FCHO1: variants seen among roughly 807,000 people sequenced by gnomAD.
FCHO1 encodes FCH and mu domain containing endocytic adaptor 1.
Under a neutral mutation model 114.4 loss-of-function variants are expected in FCHO1, and 45 were observed. The ratio of observed to expected loss-of-function variants is 0.39; its 90% CI spans 0.31 to 0.50. The LOEUF (loss-of-function observed/expected upper bound fraction) is 0.50, where lower values mean the gene tolerates loss of function less well. Among genes scored for constraint, FCHO1 ranks in the 20% least tolerant of loss-of-function variants. The pLI, the probability that FCHO1 is intolerant of heterozygous loss-of-function variation, is 0.77. For missense variants in FCHO1, 1,042 were observed against 1,209.6 expected, an observed-to-expected ratio of 0.86 and a Z score of 2.06; for synonymous variants, 480 against 488.9, an observed-to-expected ratio of 0.98 and a Z score of 0.24.
At chr19:17,765,732 T>A (rs895414428) in intron 6 of FCHO1, among the ~76,000 whole-genome samples, 2 of 151,866 alleles carry the variant, frequency 1.3e-5, no homozygotes, top group African/African-American at 4.8e-5. Flanking sequence ...CATTTGCAGT[T>A]TTCTTTGTGG....
At chr19:17,750,832 T>C (rs1027486657), upstream of FCHO1, among the ~76,000 whole-genome samples, 6 of 148,686 alleles carry the variant, frequency 4.0e-5, no homozygotes, top group African/African-American at 7.4e-5. Flanking sequence ...CTTTTCTTTT[T>C]TTTTTTTTTT....
At chr19:17,762,669 G>A (rs781212804) in intron 4 of FCHO1, 93 bp from the exon 5 acceptor site, 2 of 895,248 alleles carry the variant, frequency 2.2e-6, no homozygotes, top group Non-Finnish European at 3.8e-6. Flanking sequence ...ACAGCCAAGG[G>A]GATGGACTTC....
intron 1 of FCHO1, chr19:17,753,671 C>A (rs557734478): frequency 6.6e-6 from 1 of 152,252 alleles, no homozygotes; most frequent in African/African-American, 2.4e-5. Context: ...AACTAACTAA[C>A]TTTCTTTCTT....
chr19:17,780,350 GA>G (rs1436417655), intron 20 of FCHO1, among the ~76,000 whole-genome samples: 1 of 152,056 alleles, frequency 6.6e-6, no homozygotes, highest in Non-Finnish European at 1.5e-5. Flanking sequence ...TTTTAGTAGA[GA>G]TGGGGTTTCA....
intron 5 of FCHO1, among the ~76,000 whole-genome samples, chr19:17,763,773 G>A (rs1411785686): frequency 2.0e-5 from 3 of 151,784 alleles, no homozygotes; most frequent in South Asian, 2.1e-4. Context: ...ATATTGCCCA[G>A]GGTGGTCTCG....
At chr19:17,772,798 T>C in intron 11 of FCHO1, 57 bp downstream of exon 11, 1 of 1,240,354 alleles carries the variant, frequency 8.1e-7, no homozygotes, top group Non-Finnish European at 1.2e-6. Context: ...CAGACAGGCA[T>C]GTGCCACCAT....
At chr19:17,778,365 C>A in intron 19 of FCHO1, 137 bp downstream of exon 19, 1 of 777,608 alleles carries the variant, frequency 1.3e-6, no homozygotes, top group Non-Finnish European at 2.1e-6. Flanking sequence ...TGGGCGGGGC[C>A]AGAGTGCGCG....
chr19:17,766,092 G>A (rs1367444474), intron 6 of FCHO1, among the ~76,000 whole-genome samples: 1 of 151,176 alleles, frequency 6.6e-6, no homozygotes, highest in East Asian at 1.9e-4. Flanking sequence ...GTTTCACCAT[G>A]TTAGCCAGGA....
At chr19:17,771,960 G>A (rs1210886560) in intron 9 of FCHO1, among the ~76,000 whole-genome samples, 2 of 152,100 alleles carry the variant, frequency 1.3e-5, no homozygotes, top group African/African-American at 2.4e-5. Flanking sequence ...TTACAGGCAC[G>A]TGCCACCACA....
intron 4 of FCHO1, among the ~76,000 whole-genome samples, chr19:17,759,241 G>C (rs1027098041): frequency 6.7e-4 from 8 of 11,878 alleles, no homozygotes; most frequent in African/African-American, 2.5e-3. Flanking sequence ...TTTTTTTTTT[G>C]AGACAGAGTC....
rs769532665 is a variant in FCHO1 at position 17,781,291 on chromosome 19, G to A, written c.1688G>A (p.Arg563Lys). The stretch of plus-strand genomic sequence containing the variant: ...GAGGGCCTGGCAGCCCCACCCAGGA[G>A]ACTTCGCTCTAGGAAGGTGTCCTGC... ...AREGLAAPPR[R>K]LRSRKVSCPL... Residue 563 changes from arginine (R) to lysine (K), a missense_variant, in exon 21 of 29, where the codon AGA (arginine) becomes AAA (lysine). This residue lies in a region of FCHO1 where 455 missense variants were observed against 455.4 expected (regional missense o/e 1.00). Transcript: ENST00000596536. 8 of 1,613,966 alleles carry A rather than the reference G, an allele frequency of 5.0e-6. No individual in the cohort carries two copies. The Admixed American group carries it at 5.0e-5, about 10-fold the overall frequency.
In FCHO1 at chr19:17,776,351, T is replaced by C; in HGVS notation, c.1207+80T>C. On this transcript the variant is annotated intron_variant, in intron 17 of 28. Transcript: ENST00000596536. The surrounding 1 kb of genome is among the most constrained non-coding windows in gnomAD (Gnocchi z 4.4). Reference sequence around the variant, plus strand: ...GGTTTGGGCTTGAATCATAACTCCGTTTTGTAACTTTGGGCAGGCTGCTTA... The same window carrying C: ...GGTTTGGGCTTGAATCATAACTCCGCTTTGTAACTTTGGGCAGGCTGCTTA... The C allele has an allele frequency of 6.4e-7, 1 of 1,572,002 alleles. No homozygotes were observed. Among genetic ancestry groups the C allele is most frequent in the Non-Finnish European group, 8.8e-7 (1 of 1,141,930 alleles).
At chr19:17,783,955 A>T (rs2147406744) in intron 24 of FCHO1, 148 bp from the exon 25 acceptor site, 1 of 906,592 alleles carries the variant, frequency 1.1e-6, no homozygotes, top group East Asian at 2.5e-5. Flanking sequence ...TCCCTCCTTT[A>T]CTGCCCGCAC....
In FCHO1 at chr19:17,775,191, G is replaced by A; in HGVS notation, c.945+111G>A. On this transcript the variant is annotated intron_variant, in intron 14 of 28. Coordinates refer to ENST00000596536, the MANE Select transcript of FCHO1 (RefSeq NM_015122.3). This position sits in a 1 kb window ranked among gnomAD's most constrained non-coding sequence, Gnocchi z 5.1. ...GGAAACTAAAGAGCCGAGATTGAGG[G>A]GCGGGCTGGAGCCTGGGGGCTGGGT... 7.8e-7 allele frequency: 1 copy of A among 1,276,298 alleles called. No individual in the cohort carries two copies. The highest frequency in any genetic ancestry group is 1.1e-6 in the Non-Finnish European group (1 of 910,866). 79.1% of individuals were successfully genotyped at this position (1,276,298 alleles called of 1,614,324 possible).
chr19:17,787,253 A>G (rs981738215), intron 27 of FCHO1, among the ~76,000 whole-genome samples: 3 of 128,160 alleles, frequency 2.3e-5, no homozygotes, highest in Admixed American at 7.8e-5. Flanking sequence ...AAAAAAAAAA[A>G]GCTGGAGGAG....
chr19:17,788,363 C>G lies in FCHO1; in HGVS notation c.*57C>G, dbSNP rs1407829654. 6.4e-6 allele frequency: 9 copies of G among 1,400,380 alleles called. No homozygotes were observed. The Middle Eastern group carries it at 6.9e-4, about 108-fold the overall frequency. 86.7% of individuals were successfully genotyped at this position (1,400,380 alleles called of 1,614,324 possible). On this transcript the variant is annotated 3_prime_UTR_variant, in exon 29 of 29. Coordinates refer to ENST00000596536, the MANE Select transcript of FCHO1 (RefSeq NM_015122.3). Reference sequence around the variant, plus strand: ...TGCGCCCTGGTGCTGGCTGACCACCCCCTGCCCTCCTGCCGGACCCTGGGG... The same window carrying G: ...TGCGCCCTGGTGCTGGCTGACCACCGCCTGCCCTCCTGCCGGACCCTGGGG...
intron 20 of FCHO1, among the ~76,000 whole-genome samples, chr19:17,780,962 C>T (rs1481909617): frequency 1.3e-5 from 2 of 152,244 alleles, no homozygotes; most frequent in East Asian, 3.8e-4. Flanking sequence ...ATGCCTGCGT[C>T]TTAAGCCTTC....
chr19:17,756,333 G>A (rs764166602), intron 4 of FCHO1, among the ~76,000 whole-genome samples: 4 of 152,228 alleles, frequency 2.6e-5, no homozygotes, highest in Non-Finnish European at 4.4e-5. Context: ...GTACTGCCGT[G>A]TAATGGAGGT....
At chr19:17,781,378 G>A in intron 21 of FCHO1, 35 bp downstream of exon 21, 1 of 1,608,614 alleles carries the variant, frequency 6.2e-7, no homozygotes, top group Non-Finnish European at 8.5e-7. Context: ...CTGGACTGGG[G>A]GTCGCGTCTG....
Sources: allele counts gnomAD v4.1 joint callset (sites outside exome capture counted in the v4.1 genomes callset), GRCh38; gene constraint gnomAD v4.1.1; regional missense constraint gnomAD v4.1.1; non-coding constraint Gnocchi (gnomAD v3.1); transcripts MANE v1.5; gene names NCBI Gene and HGNC (gene_info 2026-07-23, HGNC 2026-07-21).